GPSM2: variants seen among roughly 807,000 people sequenced by gnomAD.
GPSM2 encodes G protein signaling modulator 2, also known as G protein-signaling modulator 2.
In GPSM2, 58 loss-of-function variants were observed where a neutral mutation model predicts 78.4. The ratio of observed to expected loss-of-function variants is 0.74; its 90% CI spans 0.60 to 0.92. The LOEUF (loss-of-function observed/expected upper bound fraction) is 0.92, where lower values mean the gene tolerates loss of function less well. GPSM2 is among the 40% of genes least tolerant of loss of function. The probability of loss-of-function intolerance (pLI) is 0.00; values close to 1 mark genes in which losing one functional copy is unlikely to be tolerated. For synonymous variants in GPSM2, 224 were observed against 280.2 expected (o/e 0.80, Z 2.00); for missense variants, 700 against 815.5 (o/e 0.86, Z 1.73).
intron 10 of GPSM2, among the ~76,000 whole-genome samples, chr1:108,906,873 C>T (rs1307922907): frequency 4.6e-5 from 7 of 152,140 alleles, no homozygotes; most frequent in Admixed American, 6.5e-5. Flanking sequence ...ACTATAGGCA[C>T]GACCTCCTAG....
Position 108,914,367 on chromosome 1 carries a change from A to G in GPSM2, c.1222A>G (p.Ser408Gly), listed in dbSNP as rs141786477. 14 of 1,612,780 alleles carry G rather than the reference A, an allele frequency of 8.7e-6. No individual in the cohort carries two copies. In the African/African-American group the frequency reaches 1.1e-4, roughly 12 times the overall value. The change falls in exon 11 of 15, where the codon AGT becomes GGT. Residue 408 changes from serine (S) to glycine (G), a missense_variant. Transcript: ENST00000264126. ...GVRPKLGRRH[S>G]MENMELMKLT... ...ACGCCCCAAGTTGGGACGCCGGCAT[A>G]GTATGGAAAATATGGAACTTATGAA...
chr1:108,930,138 A>G lies in GPSM2; in HGVS notation c.*198A>G. ...GCGTTTGAGGGTGGAGGGGTCCTGT[A>G]AGGTGCTTCATCGTCTGTGATTACT... On this transcript the variant is annotated 3_prime_UTR_variant, in exon 15 of 15. Transcript: ENST00000264126. 1.7e-6 allele frequency: 1 copy of G among 579,946 alleles called. No individual in the cohort carries two copies. The highest frequency in any genetic ancestry group is 3.1e-5 in the Admixed American group (1 of 32,090). 35.9% of individuals were successfully genotyped at this position (579,946 alleles called of 1,614,324 possible). A position where few individuals can be genotyped will look rare whatever the true frequency, so the allele number is the denominator to read the frequency against.
intron 5 of GPSM2, among the ~76,000 whole-genome samples, 183 bp from the exon 6 acceptor site, chr1:108,898,459 A>G (rs1648548528): frequency 6.6e-6 from 1 of 152,232 alleles, no homozygotes; most frequent in African/African-American, 2.4e-5. Flanking sequence ...GAATAGTTTA[A>G]TAAAGTGTTC....
intron 11 of GPSM2, among the ~76,000 whole-genome samples, chr1:108,917,423 C>T (rs529549064): frequency 2.7e-5 from 4 of 150,642 alleles, no homozygotes; most frequent in South Asian, 2.1e-4. Flanking sequence ...AAAAATTAGC[C>T]GGGCATGGTG....
chr1:108,917,005 A>G (rs1650282968), intron 11 of GPSM2, among the ~76,000 whole-genome samples: 1 of 152,204 alleles, frequency 6.6e-6, no homozygotes, highest in Non-Finnish European at 1.5e-5. Context: ...TCTTGGTTAG[A>G]AATAATTTTT....
intron 2 of GPSM2, among the ~76,000 whole-genome samples, chr1:108,893,879 A>T (rs930476613): frequency 2.6e-5 from 4 of 152,118 alleles, no homozygotes; most frequent in Admixed American, 2.6e-4. Context: ...ACATGATGAA[A>T]CCCCATCTCT....
At chr1:108,888,853 C>A (rs1570884139) in intron 2 of GPSM2, among the ~76,000 whole-genome samples, 4 of 152,148 alleles carry the variant, frequency 2.6e-5, no homozygotes, top group Admixed American at 2.0e-4. Context: ...GAGGACATTT[C>A]TATTAAAAAA....
At position 108,896,958 on chromosome 1, in the gene GPSM2, G is replaced by A; in HGVS notation, c.151G>A (p.Val51Ile). The A allele has an allele frequency of 6.2e-7, 1 of 1,614,124 alleles. No homozygotes were observed. Among genetic ancestry groups the A allele is most frequent in the Non-Finnish European group, 8.5e-7 (1 of 1,179,962 alleles). ...RAGVSFFEAA[V>I]QVGTEDLKTL... ...TGGCGTGTCATTCTTTGAAGCTGCA[G>A]TTCAAGTTGGAACTGAAGACCTAAA... Residue 51 changes from valine to isoleucine, a missense_variant, in exon 3 of 15, where the codon GTT becomes ATT. Coordinates refer to ENST00000264126, the MANE Select transcript of GPSM2 (RefSeq NM_013296.5).
chr1:108,883,304 G>A (rs1457677356), intron 1 of GPSM2, among the ~76,000 whole-genome samples: 1 of 152,178 alleles, frequency 6.6e-6, no homozygotes, highest in Non-Finnish European at 1.5e-5. Context: ...ACAGAGCAGT[G>A]AGTATTCATT....
Position 108,930,168 on chromosome 1 carries a change from G to T in GPSM2, c.*228G>T. ...GCTTCATCGTCTGTGATTACTGCTT[G>T]GGATGTGTTCTTTGGCAGCTTGTGA... On this transcript the variant is annotated 3_prime_UTR_variant, in exon 15 of 15. Coordinates refer to ENST00000264126, the MANE Select transcript of GPSM2 (RefSeq NM_013296.5). The T allele has an allele frequency of 2.0e-6, 1 of 501,104 alleles. No individual in the cohort carries two copies. Among genetic ancestry groups the T allele is most frequent in the Non-Finnish European group, 3.5e-6 (1 of 283,784 alleles). 31.0% of individuals were successfully genotyped at this position (501,104 alleles called of 1,614,324 possible).
In GPSM2 at chr1:108,933,133, G is replaced by A. The variant is rs1652299836; in HGVS notation, c.*3193G>A. On this transcript the variant is annotated 3_prime_UTR_variant, in exon 15 of 15. Transcript: ENST00000264126. ...TCCAAAGTGCTAGGACTGTAGGCAT[G>A]AGCCACTGCACCTGGCCTAAAATTA... 1 of 151,102 alleles carries A rather than the reference G, an allele frequency of 6.6e-6. No individual in the cohort carries two copies. The highest frequency in any genetic ancestry group is 2.1e-4 in the South Asian group (1 of 4,762). The allele number at this position is 151,102 out of a possible 1,614,324, so 9.4% of individuals were successfully genotyped here. A position where few individuals can be genotyped will look rare whatever the true frequency, so the allele number is the denominator to read the frequency against.
chr1:108,904,071 T>G (rs911496798), intron 9 of GPSM2, 54 bp from the exon 10 acceptor site: 27 of 1,234,492 alleles, frequency 2.2e-5, no homozygotes, highest in African/African-American at 3.0e-5. Flanking sequence ...CAAATAATCT[T>G]CACCATTCTT....
chr1:108,906,454 T>A (rs1222884579), intron 10 of GPSM2, among the ~76,000 whole-genome samples: 3 of 151,890 alleles, frequency 2.0e-5, no homozygotes, highest in Non-Finnish European at 2.9e-5. Flanking sequence ...AATCTTAGTA[T>A]AAGCTACCGA....
intron 10 of GPSM2, chr1:108,909,730 C>T (rs1298624814): frequency 1.4e-4 from 21 of 151,788 alleles, no homozygotes; most frequent in Admixed American, 1.4e-3. Context: ...TGGTGAAACC[C>T]TGTCTCTACT....
intron 7 of GPSM2, among the ~76,000 whole-genome samples, chr1:108,901,351 A>G (rs2101425856): frequency 1.3e-5 from 2 of 152,342 alleles, no homozygotes; most frequent in Middle Eastern, 6.8e-3. Flanking sequence ...GGTGACTAAT[A>G]GCCTACACAT....
At chr1:108,891,754 C>G (rs75089406) in intron 2 of GPSM2, among the ~76,000 whole-genome samples, 4,546 of 151,764 alleles carry the variant, frequency 0.03, 80 homozygotes, top group Non-Finnish European at 0.046. Context: ...ATCCACCCCC[C>G]CTTAGCCTCC....
At chr1:108,910,053 AG>A (rs1649605868) in intron 10 of GPSM2, 1 of 152,150 alleles carries the variant, frequency 6.6e-6, no homozygotes, top group South Asian at 2.1e-4. Context: ...GTTTTCTTTA[AG>A]TCAAAATTTG....
Position 108,889,672 on chromosome 1 carries a change from A to G in GPSM2, c.56+4094A>G, listed in dbSNP as rs534249477. 3.9e-5 allele frequency among the ~76,000 whole-genome samples: 6 copies of G among 152,322 alleles called. No individual in the cohort carries two copies. In the East Asian group the frequency reaches 9.7e-4, roughly 25 times the overall value. ...CCTTTACTTTACTTTTTACACCGCC[A>G]TAGCTATAATTGAGATCCTCAGGAT... is the stretch of plus-strand genomic sequence containing the variant. On this transcript the variant is annotated intron_variant, in intron 2 of 14. Coordinates refer to ENST00000264126, the MANE Select transcript of GPSM2 (RefSeq NM_013296.5).
chr1:108,885,577 AGGTAAGACTATTGC>A lies in GPSM2; in HGVS notation c.56_56+13del, dbSNP rs751907094. ...AGACCATTCTTTTCATGTTCGTTAC[AGGTAAGACTATTGC>A]TGTCTTAATGGATGACTTTTAATCC... On this transcript the variant is annotated splice_donor_variant and splice_donor_5th_base_variant and coding_sequence_variant and intron_variant, in exon 2 of 15. Transcript: ENST00000264126. LOFTEE classifies it high-confidence loss of function. The A allele has an allele frequency of 6.4e-7, 1 of 1,562,724 alleles. No homozygotes were observed. The highest frequency in any genetic ancestry group is 8.8e-7 in the Non-Finnish European group (1 of 1,133,308).
Sources: gnomAD v4.1 joint callset for allele counts (sites outside exome capture counted in the v4.1 genomes callset) on GRCh38, gnomAD v4.1.1 for gene constraint, MANE v1.5 for transcripts, NCBI Gene and HGNC (gene_info 2026-07-23, HGNC 2026-07-21) for gene names.